Variants in PRKG2 observed in about 807,000 individuals in gnomAD.
PRKG2 encodes the protein protein kinase cGMP-dependent 2, also known as cGMP-dependent protein kinase 2.
In PRKG2, 33 loss-of-function variants were observed where a neutral mutation model predicts 97.2. The observed-to-expected ratio is 0.34, with a 90% confidence interval of 0.26 to 0.45. The LOEUF (loss-of-function observed/expected upper bound fraction) is 0.45. PRKG2 is among the 20% of genes least tolerant of loss of function. The pLI, the probability that PRKG2 is intolerant of heterozygous loss-of-function variation, is 1.00. For synonymous variants in PRKG2, 330 were observed against 321.8 expected, an observed-to-expected ratio of 1.03 and a Z score of -0.27; for missense variants, 638 against 900.0, an observed-to-expected ratio of 0.71 and a Z score of 3.73.
At chr4:81,129,535 T>C (rs1745947395) in intron 14 of PRKG2, among the ~76,000 whole-genome samples, 1 of 152,216 alleles carries the variant, frequency 6.6e-6, no homozygotes, top group South Asian at 2.1e-4. Context: ...GGTGCATACA[T>C]ATTCAGGATA....
intron 2 of PRKG2, among the ~76,000 whole-genome samples, chr4:81,196,043 C>A (rs1350464570): frequency 6.6e-6 from 1 of 152,152 alleles, no homozygotes; most frequent in African/African-American, 2.4e-5. Context: ...AAGGGCTTAT[C>A]CAGCTGAGTC....
upstream of PRKG2, among the ~76,000 whole-genome samples, chr4:81,216,673 T>C (rs940874466): frequency 2.6e-5 from 4 of 152,048 alleles, no homozygotes; most frequent in Admixed American, 6.6e-5. Flanking sequence ...AATTCCTACC[T>C]CACCCACCTC....
intron 18 of PRKG2, among the ~76,000 whole-genome samples, chr4:81,091,838 T>C (rs1741567869): frequency 1.3e-5 from 2 of 152,136 alleles, no homozygotes; most frequent in Non-Finnish European, 2.9e-5. Flanking sequence ...AACAAAACCA[T>C]TAGCAACACG....
At chr4:81,123,769 T>C (rs1745296266) in intron 14 of PRKG2, among the ~76,000 whole-genome samples, 1 of 152,180 alleles carries the variant, frequency 6.6e-6, no homozygotes, top group South Asian at 2.1e-4. Context: ...CATTTACATA[T>C]ACTGGATCTC....
chr4:81,153,561 T>C (rs1270632104), intron 7 of PRKG2, 83 bp downstream of exon 7: 6 of 1,070,794 alleles, frequency 5.6e-6, no homozygotes, highest in Non-Finnish European at 8.3e-6. Context: ...AGGACCTATG[T>C]TGCAATGCAA....
chr4:81,153,826 G>C (rs1263864532), intron 6 of PRKG2, 105 bp from the exon 7 acceptor site: 1 of 769,648 alleles, frequency 1.3e-6, no homozygotes, highest in Non-Finnish European at 2.2e-6. Flanking sequence ...CGCAGAAGAC[G>C]GGTGATTTCT....
At chr4:81,155,244 T>A (rs1414315157) in intron 6 of PRKG2, among the ~76,000 whole-genome samples, 1 of 150,610 alleles carries the variant, frequency 6.6e-6, no homozygotes, top group East Asian at 1.9e-4. Flanking sequence ...AAGGAGCTGA[T>A]GGAGCTGAAA....
Position 81,204,766 on chromosome 4 carries a change from A to C in PRKG2, c.282T>G (p.Leu94=). ...DVVHMQGGSP[L]QASPDKVPLE... Reference sequence around the variant, plus strand: ...GAGGCACTTTATCTGGAGAGGCCTGAAGCGGGCTTCCTCCCTGCATATGCA... The same window carrying C: ...GAGGCACTTTATCTGGAGAGGCCTGCAGCGGGCTTCCTCCCTGCATATGCA... Residue 94 remains leucine (L), a synonymous_variant, in exon 2 of 19, where the codon CTT becomes CTG. Transcript: ENST00000264399. 1.2e-6 allele frequency: 2 copies of C among 1,614,212 alleles called. No individual in the cohort carries two copies. The highest frequency in any genetic ancestry group is 1.1e-5 in the South Asian group (1 of 91,084).
chr4:81,183,186 T>TG (rs1046564720), intron 2 of PRKG2, among the ~76,000 whole-genome samples: 1 of 152,112 alleles, frequency 6.6e-6, no homozygotes, highest in African/African-American at 2.4e-5. Context: ...AAAAGACTTT[T>TG]GGGGAGTGGC....
At chr4:81,130,450 G>A (rs749429356) in intron 14 of PRKG2, among the ~76,000 whole-genome samples, 8 of 152,102 alleles carry the variant, frequency 5.3e-5, no homozygotes, top group Admixed American at 2.6e-4. Flanking sequence ...GTGTCTCCCC[G>A]GCAGGAGGAA....
At chr4:81,136,356 G>A (rs1291832882) in intron 13 of PRKG2, among the ~76,000 whole-genome samples, 1 of 152,106 alleles carries the variant, frequency 6.6e-6, no homozygotes, top group Non-Finnish European at 1.5e-5. Flanking sequence ...CATAACCTCT[G>A]GCATTAGGGC....
intron 14 of PRKG2, among the ~76,000 whole-genome samples, chr4:81,126,158 G>A (rs75194753): frequency 6.6e-6 from 1 of 152,168 alleles, no homozygotes; most frequent in African/African-American, 2.4e-5. Context: ...TTAATTTGCT[G>A]AGAATGACGG....
At chr4:81,091,783 CA>C (rs1553916327) in intron 18 of PRKG2, among the ~76,000 whole-genome samples, 1 of 152,110 alleles carries the variant, frequency 6.6e-6, no homozygotes, top group Non-Finnish European at 1.5e-5. Flanking sequence ...TTCTTCCTCC[CA>C]TGTTAGCTGA....
intron 1 of PRKG2, among the ~76,000 whole-genome samples, chr4:81,213,489 C>G (rs1754113080): frequency 6.6e-6 from 1 of 152,026 alleles, no homozygotes; most frequent in African/African-American, 2.4e-5. Context: ...CAAATGAGAT[C>G]AGAGAGAAAA....
chr4:81,160,857 A>G (rs1749545666), intron 6 of PRKG2, among the ~76,000 whole-genome samples: 1 of 152,170 alleles, frequency 6.6e-6, no homozygotes, highest in African/African-American at 2.4e-5. Context: ...GAGCGACTAA[A>G]TATCTCAGAA....
Position 81,204,874 on chromosome 4 carries a change from C to T in PRKG2, c.174G>A (p.Leu58=). 1 of 1,614,206 alleles carries T rather than the reference C, an allele frequency of 6.2e-7. No homozygotes were observed. Among genetic ancestry groups the T allele is most frequent in the African/African-American group, 1.3e-5 (1 of 75,056 alleles). The change falls in exon 2 of 19, where the codon CTG becomes CTA. Residue 58 remains leucine (L), a synonymous_variant. Transcript: ENST00000264399. ...EYHLKELREQ[L]SKQTVAIAEL... is the part of the protein sequence containing the mutation. ...CAGCAATGGCCACAGTCTGCTTCGA[C>T]AGCTGCTCCCGCAGCTCCTTCAAAT... is the stretch of plus-strand genomic sequence containing the variant.
chr4:81,099,867 T>TC (rs751253952), intron 17 of PRKG2, among the ~76,000 whole-genome samples: 1 of 152,148 alleles, frequency 6.6e-6, no homozygotes, highest in Non-Finnish European at 1.5e-5. Context: ...CAGCAAAGTC[T>TC]CAGGATACAA....
chr4:81,089,706 T>C lies in PRKG2; in HGVS notation c.*2A>G. ...TACAGGCAGTAATCAACTTTTCTTC[T>C]GTCAGAAGTCTTTATCCCAGCCTGA... On this transcript the variant is annotated 3_prime_UTR_variant, in exon 19 of 19. Coordinates refer to ENST00000264399, the MANE Select transcript of PRKG2 (RefSeq NM_006259.3). 5 of 1,594,606 alleles carry C rather than the reference T, an allele frequency of 3.1e-6. No individual in the cohort carries two copies. The highest frequency in any genetic ancestry group is 4.3e-6 in the Non-Finnish European group (5 of 1,162,624).
At chr4:81,095,943 G>C (rs371998259) in intron 17 of PRKG2, among the ~76,000 whole-genome samples, 1 of 152,084 alleles carries the variant, frequency 6.6e-6, no homozygotes, top group Non-Finnish European at 1.5e-5. Context: ...GTGTACAACC[G>C]CATTATGTCT....
Sources: gnomAD v4.1 joint callset for allele counts (sites outside exome capture counted in the v4.1 genomes callset) on GRCh38, gnomAD v4.1.1 for gene constraint, MANE v1.5 for transcripts, NCBI Gene and HGNC (gene_info 2026-07-23, HGNC 2026-07-21) for gene names.